The following STK3 variants were observed in gnomAD, a reference collection of about 807,000 sequenced individuals.
The protein encoded by STK3 is serine/threonine kinase 3, also known as serine/threonine-protein kinase 3.
A neutral mutation model predicts 58.0 loss-of-function variants in STK3; 41 were observed. The observed-to-expected ratio is 0.71, with a 90% CI of 0.55 to 0.92. STK3 has a LOEUF of 0.92. Among genes scored for constraint, STK3 ranks in the 40% least tolerant of loss-of-function variants. STK3 has a pLI of 0.00. For missense variants in STK3, 479 were observed against 602.7 expected, an observed-to-expected ratio of 0.79 and a Z score of 2.15; for synonymous variants, 170 against 191.0, an observed-to-expected ratio of 0.89 and a Z score of 0.91.
At chr8:98,699,114 G>A (rs1327974788) in intron 6 of STK3, among the ~76,000 whole-genome samples, 15 of 151,406 alleles carry the variant, frequency 9.9e-5, no homozygotes, top group African/African-American at 1.9e-4. Flanking sequence ...CATTCATTTC[G>A]TCTTCCATCA....
At chr8:98,773,744 T>G (rs947627235) in intron 2 of STK3, among the ~76,000 whole-genome samples, 1 of 152,240 alleles carries the variant, frequency 6.6e-6, no homozygotes, top group Admixed American at 6.5e-5. Flanking sequence ...TACACTTGAT[T>G]TTATTCCTTC....
At chr8:98,784,436 A>G (rs1647542627) in intron 1 of STK3, among the ~76,000 whole-genome samples, 1 of 152,158 alleles carries the variant, frequency 6.6e-6, no homozygotes, top group Non-Finnish European at 1.5e-5. Flanking sequence ...GCAACCTGGA[A>G]CTGGTCTGCA....
At chr8:98,773,091 GTACTTTATATATTTT>G (rs1232046924) in intron 2 of STK3, among the ~76,000 whole-genome samples, 1 of 151,976 alleles carries the variant, frequency 6.6e-6, no homozygotes, top group Non-Finnish European at 1.5e-5. Flanking sequence ...AGACATACAG[GTACTTTATATATTTT>G]TACTTTATAT....
chr8:98,571,510 T>C (rs549205466), intron 8 of STK3, among the ~76,000 whole-genome samples: 3 of 152,280 alleles, frequency 2.0e-5, no homozygotes, highest in South Asian at 2.1e-4. Context: ...TGAGAATTAA[T>C]TGCTTTAGTG....
intron 8 of STK3, among the ~76,000 whole-genome samples, chr8:98,556,339 G>A (rs554014372): frequency 6.6e-6 from 1 of 152,138 alleles, no homozygotes; most frequent in South Asian, 2.1e-4. Context: ...CATTCTCAGA[G>A]ATAAAATCTA....
chr8:98,730,240 T>TCCA (rs1828077310), intron 4 of STK3, among the ~76,000 whole-genome samples: 1 of 152,136 alleles, frequency 6.6e-6, no homozygotes, highest in Non-Finnish European at 1.5e-5. Flanking sequence ...ATAAAACAAG[T>TCCA]CCACCACCAG....
At chr8:98,603,209 A>C (rs1816499485) in intron 6 of STK3, 2 of 152,136 alleles carry the variant, frequency 1.3e-5, no homozygotes, top group Non-Finnish European at 2.9e-5. Flanking sequence ...TGATTATAAC[A>C]AATTGAAAAC....
At chr8:98,610,076 A>G (rs1407420174) in intron 6 of STK3, among the ~76,000 whole-genome samples, 1 of 152,132 alleles carries the variant, frequency 6.6e-6, no homozygotes, top group Non-Finnish European at 1.5e-5. Context: ...GAAAACTTTC[A>G]TAGTAACTTA....
At chr8:98,379,572 C>T (rs923359977) in intron 1 of STK3, among the ~76,000 whole-genome samples, 1 of 152,194 alleles carries the variant, frequency 6.6e-6, no homozygotes, top group Non-Finnish European at 1.5e-5. Context: ...CCCACTCCTT[C>T]TTCAAGTGCT....
intron 10 of STK3, among the ~76,000 whole-genome samples, chr8:98,471,357 CT>C (rs554417267): frequency 0.022 from 2,833 of 129,478 alleles, 47 homozygotes; most frequent in African/African-American, 0.053. Flanking sequence ...TTTTCCTTTT[CT>C]TTTTTTTTTT....
At chr8:98,643,941 A>G (rs1237857393) in intron 6 of STK3, among the ~76,000 whole-genome samples, 2 of 152,100 alleles carry the variant, frequency 1.3e-5, no homozygotes, top group Non-Finnish European at 2.9e-5. Flanking sequence ...TCCTGAGCTC[A>G]GATATTTGAG....
At chr8:98,385,367 G>C (rs1348369382) in intron 1 of STK3, among the ~76,000 whole-genome samples, 1 of 152,130 alleles carries the variant, frequency 6.6e-6, no homozygotes, top group Non-Finnish European at 1.5e-5. Flanking sequence ...TGGGGTGTCC[G>C]GGAAATAAGA....
At chr8:98,367,760 T>C (rs949467070), downstream of STK3, among the ~76,000 whole-genome samples, 4 of 152,316 alleles carry the variant, frequency 2.6e-5, no homozygotes, top group African/African-American at 9.6e-5. Context: ...GGGGCAACTC[T>C]CTGGCTAATG....
chr8:98,915,094 T>A (rs1839293805), intron 1 of STK3, among the ~76,000 whole-genome samples: 1 of 152,096 alleles, frequency 6.6e-6, no homozygotes, highest in Admixed American at 6.6e-5. Context: ...GTTAACTTGA[T>A]TGGATTGAAA....
Position 98,825,565 on chromosome 8 carries a change from C to A in STK3, c.-25G>T. On this transcript the variant is annotated 5_prime_UTR_variant, in exon 1 of 11. Coordinates refer to ENST00000419617, the MANE Select transcript of STK3 (RefSeq NM_006281.4). Reference sequence around the variant, plus strand: ...TGGCGGCCGGGGACAGAGAGAGGGACCTGGTGGACGGCGAAGGCCGAAAGG... The same window carrying A: ...TGGCGGCCGGGGACAGAGAGAGGGAACTGGTGGACGGCGAAGGCCGAAAGG... 1 of 1,450,500 alleles carries A rather than the reference C, an allele frequency of 6.9e-7. No individual in the cohort carries two copies. Among genetic ancestry groups the A allele is most frequent in the Non-Finnish European group, 9.1e-7 (1 of 1,096,008 alleles). 89.9% of individuals were successfully genotyped at this position (1,450,500 alleles called of 1,614,324 possible).
Position 98,703,469 on chromosome 8 carries a change from T to C in STK3, c.684+2998A>G, listed in dbSNP as rs549679376. On this transcript the variant is annotated intron_variant, in intron 6 of 10. Transcript: ENST00000419617. ...ATAGTGTCATATCCTACCAGCTTTC[T>C]CATATCTTAACTACCACTTTATCTC... 6.6e-5 allele frequency among the ~76,000 whole-genome samples: 10 copies of C among 152,334 alleles called. 1 individual carries two copies. The South Asian group carries it at 2.1e-3, about 32-fold the overall frequency.
chr8:98,530,060 G>A (rs1295729334), intron 9 of STK3, among the ~76,000 whole-genome samples: 1 of 152,198 alleles, frequency 6.6e-6, no homozygotes, highest in Non-Finnish European at 1.5e-5. Context: ...CTGCAATAAT[G>A]AGAATATCGC....
At chr8:98,361,125 C>T in the STK3 span, among the ~76,000 whole-genome samples, 1 of 152,144 alleles carries the variant, frequency 6.6e-6, no homozygotes, top group Non-Finnish European at 1.5e-5. Context: ...CTGAGTACCC[C>T]CCTTCCCAAC....
chr8:98,728,323 T>C (rs1587437517), intron 4 of STK3, among the ~76,000 whole-genome samples: 1 of 152,166 alleles, frequency 6.6e-6, no homozygotes, highest in South Asian at 2.1e-4. Context: ...ACAAAGTACA[T>C]ACATTAGGAA....
Sources: gnomAD v4.1 joint callset for allele counts (sites outside exome capture counted in the v4.1 genomes callset) on GRCh38, gnomAD v4.1.1 for gene constraint, MANE v1.5 for transcripts, NCBI Gene and HGNC (gene_info 2026-07-23, HGNC 2026-07-21) for gene names.